CXCL13: variants seen among roughly 807,000 people sequenced by gnomAD.
The protein encoded by CXCL13 is C-X-C motif chemokine ligand 13, also known as C-X-C motif chemokine 13.
CXCL13 carries 7 observed loss-of-function variants against 12.2 expected under a neutral mutation model. The ratio of observed to expected loss-of-function variants is 0.57; its 90% CI spans 0.33 to 1.07. The LOEUF (loss-of-function observed/expected upper bound fraction) is 1.07, where lower values mean the gene tolerates loss of function less well. Ranked by LOEUF, CXCL13 falls within the 50% of genes least tolerant of loss-of-function variation. The pLI is 0.04. For missense variants in CXCL13, 113 were observed against 127.4 expected (o/e 0.89, Z 0.55); for synonymous variants, 47 against 42.4 (o/e 1.11, Z -0.42).
At chr4:77,531,323 G>A (rs1468482221) in intron 1 of CXCL13, among the ~76,000 whole-genome samples, 1 of 126,856 alleles carries the variant, frequency 7.9e-6, no homozygotes, top group Non-Finnish European at 1.6e-5. Flanking sequence ...CCCTTCCTGT[G>A]TCCATGTGTT....
In CXCL13 at chr4:77,562,982, C is replaced by T. The variant is rs111726736; in HGVS notation, c.-42-42842C>T. Among the ~76,000 whole-genome samples the T allele has an allele frequency of 2.9e-3, 444 of 152,216 alleles. 3 individuals are homozygous for T. The highest frequency in any genetic ancestry group is 9.4e-3 in the African/African-American group (388 of 41,488). Reference sequence around the variant, plus strand: ...CAACCCCCATGGGTCCCCTTCCACACTGTGGAAGCTTTGTTCTTTCACTCT... The same window carrying T: ...CAACCCCCATGGGTCCCCTTCCACATTGTGGAAGCTTTGTTCTTTCACTCT... On this transcript the variant is annotated intron_variant, in intron 1 of 4. Coordinates refer to the CXCL13 transcript ENST00000286758.
Position 77,580,836 on chromosome 4 carries a change from T to C in CXCL13, c.-42-24988T>C, listed in dbSNP as rs1726316298. Among the ~76,000 whole-genome samples the C allele has an allele frequency of 8.1e-5, 11 of 135,866 alleles. 1 individual carries two copies. In the South Asian group the frequency reaches 3.1e-3, roughly 38 times the overall value. The allele number at this position is 135,866 out of a possible 152,430, so 89.1% of individuals were successfully genotyped here. On this transcript the variant is annotated intron_variant, in intron 1 of 4. Coordinates refer to the CXCL13 transcript ENST00000286758. ...CTCTCCCTCTCTTCTCCTCCCCTCC[T>C]CCTTTCCCCTCTCCCTTTTCCTCTC...
At chr4:77,546,205 TTC>T (rs1215870488) in intron 1 of CXCL13, among the ~76,000 whole-genome samples, 1 of 152,212 alleles carries the variant, frequency 6.6e-6, no homozygotes, top group Non-Finnish European at 1.5e-5. Flanking sequence ...TGGTCTAAAA[TTC>T]TCTTTTTTTG....
At chr4:77,562,035 C>T (rs556559849) in intron 1 of CXCL13, among the ~76,000 whole-genome samples, 11 of 152,266 alleles carry the variant, frequency 7.2e-5, no homozygotes, top group South Asian at 4.1e-4. Flanking sequence ...GAGGGTGCGC[C>T]GGGTCCCCCA....
intron 1 of CXCL13, among the ~76,000 whole-genome samples, chr4:77,545,082 C>A (rs1309741023): frequency 2.0e-5 from 3 of 152,098 alleles, no homozygotes; most frequent in Non-Finnish European, 4.4e-5. Flanking sequence ...CTTCTGAGGG[C>A]TCTCTTCTGT....
intron 1 of CXCL13, among the ~76,000 whole-genome samples, chr4:77,515,162 C>T (rs970444544): frequency 2.6e-5 from 4 of 152,172 alleles, no homozygotes; most frequent in Non-Finnish European, 5.9e-5. Context: ...TTCCATTGAT[C>T]TATATCTCTG....
intron 1 of CXCL13, among the ~76,000 whole-genome samples, chr4:77,556,376 A>G (rs1422294811): frequency 1.3e-5 from 2 of 152,162 alleles, no homozygotes; most frequent in Non-Finnish European, 2.9e-5. Context: ...CTTTTATGTG[A>G]TATTTTAGAA....
chr4:77,522,943 G>T (rs1578034789), intron 1 of CXCL13, among the ~76,000 whole-genome samples: 2 of 152,058 alleles, frequency 1.3e-5, no homozygotes, highest in African/African-American at 4.8e-5. Flanking sequence ...ATCTGTAAAG[G>T]ATTTTATTTC....
chr4:77,539,475 G>T (rs1360466748), intron 1 of CXCL13, among the ~76,000 whole-genome samples: 1 of 152,116 alleles, frequency 6.6e-6, no homozygotes, highest in Non-Finnish European at 1.5e-5. Context: ...GTACTTCCAA[G>T]GTCCTGCATC....
intron 1 of CXCL13, among the ~76,000 whole-genome samples, chr4:77,561,658 C>T (rs1725815715): frequency 6.6e-6 from 1 of 152,252 alleles, no homozygotes; most frequent in African/African-American, 2.4e-5. Context: ...TGCCCCTTAG[C>T]ATTCCAGAGT....
chr4:77,536,895 C>A (rs953237078), intron 1 of CXCL13, among the ~76,000 whole-genome samples: 1 of 152,046 alleles, frequency 6.6e-6, no homozygotes, highest in Admixed American at 6.6e-5. Context: ...TTTTTATGAA[C>A]TAGAGGTGTG....
chr4:77,574,433 C>T (rs921081745), intron 1 of CXCL13, among the ~76,000 whole-genome samples: 3 of 151,820 alleles, frequency 2.0e-5, no homozygotes, highest in African/African-American at 7.3e-5. Context: ...ACCTTTTTGA[C>T]TTTTGGGGGT....
At chr4:77,530,951 T>A (rs550783884) in intron 1 of CXCL13, among the ~76,000 whole-genome samples, 1 of 152,082 alleles carries the variant, frequency 6.6e-6, no homozygotes, top group East Asian at 1.9e-4. Flanking sequence ...TTTGAATGTG[T>A]CCCAGAGATT....
At chr4:77,543,830 G>A (rs1008167982) in intron 1 of CXCL13, among the ~76,000 whole-genome samples, 3 of 152,072 alleles carry the variant, frequency 2.0e-5, no homozygotes, top group Admixed American at 6.6e-5. Context: ...CATGTGCCAT[G>A]TTGGTGTGCT....
chr4:77,588,126 A>C lies in CXCL13; in HGVS notation c.-42-17698A>C, dbSNP rs567006483. ...TTGAATTTTTTTCTTTTCTGACCCT[A>C]CAAAGGATTAAAAAAGGAAATGCCT... is the stretch of plus-strand genomic sequence containing the variant. On this transcript the variant is annotated intron_variant, in intron 1 of 4. Coordinates refer to the CXCL13 transcript ENST00000286758. Among the ~76,000 whole-genome samples, 6 of 135,012 alleles carry C rather than the reference A, an allele frequency of 4.4e-5. No homozygotes were observed. The South Asian group carries it at 1.3e-3, about 30-fold the overall frequency. The allele number at this position is 135,012 out of a possible 152,430, so 88.6% of individuals were successfully genotyped here. A position where few individuals can be genotyped will look rare whatever the true frequency, so the allele number is the denominator to read the frequency against.
intron 1 of CXCL13, among the ~76,000 whole-genome samples, chr4:77,562,224 C>A (rs1440342368): frequency 6.7e-6 from 1 of 149,338 alleles, no homozygotes; most frequent in Non-Finnish European, 1.5e-5. Context: ...CCCCAACCCC[C>A]ACCCCACCAT....
At chr4:77,530,899 C>T (rs948458920) in intron 1 of CXCL13, among the ~76,000 whole-genome samples, 1 of 151,880 alleles carries the variant, frequency 6.6e-6, no homozygotes, top group African/African-American at 2.4e-5. Flanking sequence ...CCTGCTTTCT[C>T]TTGTGGGCAT....
intron 1 of CXCL13, 124 bp from the exon 2 acceptor site, chr4:77,607,579 G>A: frequency 1.3e-6 from 1 of 793,332 alleles, no homozygotes; most frequent in Non-Finnish European, 2.0e-6. Context: ...AAGACATATG[G>A]GTGGAAGCAC....
upstream of CXCL13, among the ~76,000 whole-genome samples, chr4:77,605,450 A>G (rs1387721807): frequency 6.6e-6 from 1 of 152,130 alleles, no homozygotes; most frequent in Non-Finnish European, 1.5e-5. Context: ...CCCCAATGTC[A>G]TGGAGTATAT....
Sources: allele counts gnomAD v4.1 joint callset (sites outside exome capture counted in the v4.1 genomes callset), GRCh38; gene constraint gnomAD v4.1.1; transcripts MANE v1.5; gene names NCBI Gene and HGNC (gene_info 2026-07-23, HGNC 2026-07-21).